DMD: variants seen among roughly 807,000 people sequenced by gnomAD.
DMD encodes the protein mutant dystrophin.
Under a neutral mutation model 330.1 loss-of-function variants are expected in DMD, and 63 were observed. The ratio of observed to expected loss-of-function variants is 0.19; its 90% confidence interval spans 0.16 to 0.24. The LOEUF (loss-of-function observed/expected upper bound fraction) is 0.24. Among genes scored for constraint, DMD ranks in the 10% least tolerant of loss-of-function variants. The probability of loss-of-function intolerance (pLI) is 1.00; values close to 1 mark genes in which losing one functional copy is unlikely to be tolerated. For synonymous variants in DMD, 1,223 were observed against 959.8 expected, an observed-to-expected ratio of 1.27 and a Z score of -5.07; for missense variants, 3,344 against 2,684.1, an observed-to-expected ratio of 1.25 and a Z score of -5.43.
At chrX:31,316,496 G>T (rs1220739963) in intron 62 of DMD, among the ~76,000 whole-genome samples, 3 of 111,152 alleles carry the variant, frequency 2.7e-5, no homozygotes, top group African/African-American at 9.8e-5. Context: ...AGGATGTGAG[G>T]GTTTTTTTCA....
chrX:31,816,592 A>G (rs1160696022), intron 50 of DMD, among the ~76,000 whole-genome samples: 1 of 109,940 alleles, frequency 9.1e-6, no homozygotes, highest in Non-Finnish European at 1.9e-5. Flanking sequence ...TGAGGTCAGG[A>G]GTTTAAGACC....
intron 29 of DMD, among the ~76,000 whole-genome samples, chrX:32,422,149 G>A (rs1400825912): frequency 4.5e-5 from 5 of 111,363 alleles, no homozygotes; most frequent in Non-Finnish European, 5.7e-5. Context: ...GGTTGGGCAA[G>A]AATAAATTAC....
chrX:31,562,033 C>T (rs1427877845), intron 55 of DMD, among the ~76,000 whole-genome samples: 3 of 111,591 alleles, frequency 2.7e-5, no homozygotes, highest in Non-Finnish European at 5.7e-5. Flanking sequence ...TTATGTAATC[C>T]CATAAGATTA....
intron 2 of DMD, among the ~76,000 whole-genome samples, chrX:32,958,166 T>A (rs1167370940): frequency 2.7e-5 from 3 of 111,688 alleles, no homozygotes; most frequent in Non-Finnish European, 3.8e-5. Context: ...TCCTAATTCT[T>A]GATCCAAGTG....
At chrX:33,009,744 A>G (rs1231314309) in intron 2 of DMD, among the ~76,000 whole-genome samples, 3 of 52,690 alleles carry the variant, frequency 5.7e-5, no homozygotes, top group Non-Finnish European at 1.0e-4. Flanking sequence ...ATATACACAC[A>G]TATGTGTATA....
intron 1 of DMD, among the ~76,000 whole-genome samples, chrX:33,232,180 T>G (rs1200128784): frequency 8.9e-6 from 1 of 111,997 alleles, no homozygotes; most frequent in Non-Finnish European, 1.9e-5. Flanking sequence ...AGATCTGCCT[T>G]GCAAGAAATG....
intron 1 of DMD, among the ~76,000 whole-genome samples, chrX:33,181,327 C>A (rs1160491702): frequency 9.6e-6 from 1 of 104,355 alleles, no homozygotes. Flanking sequence ...TCTTGATAAC[C>A]CCAGGCCAGA....
Position 31,622,865 on chromosome X carries a change from T to C in DMD, c.8217+4808A>G, listed in dbSNP as rs868833002. On this transcript the variant is annotated intron_variant, in intron 55 of 78. Coordinates refer to ENST00000357033, the MANE Select transcript of DMD (RefSeq NM_004006.3). ...AAAATTTTATATATATATATATATA[T>C]ATATATATATATACACACACACACA... is the stretch of plus-strand genomic sequence containing the variant. Among the ~76,000 whole-genome samples the C allele has an allele frequency of 8.0e-3, 643 of 80,855 alleles. 4 individuals are homozygous for C. The highest frequency in any genetic ancestry group is 0.022 in the African/African-American group (463 of 21,235). The allele number at this position is 80,855 out of a possible 115,157, so 70.2% of individuals were successfully genotyped here. A position where few individuals can be genotyped will look rare whatever the true frequency, so the allele number is the denominator to read the frequency against.
At chrX:32,061,856 A>G (rs143518903) in intron 44 of DMD, among the ~76,000 whole-genome samples, 3,094 of 111,532 alleles carry the variant, frequency 0.028, 53 homozygotes, top group Non-Finnish European at 0.042. Context: ...AAACATGCTC[A>G]GCCTTCCTAT....
chrX:32,310,908 A>G lies in DMD; in HGVS notation c.5923-632T>C, dbSNP rs770628576. The stretch of plus-strand genomic sequence containing the variant: ...ACTGACTGCGGAATTTATATTTTAA[A>G]AAGAACTCCAGAATGTCCTGATATA... On this transcript the variant is annotated intron_variant, in intron 41 of 78. Coordinates refer to ENST00000357033, the MANE Select transcript of DMD (RefSeq NM_004006.3). 2.7e-5 allele frequency among the ~76,000 whole-genome samples: 3 copies of G among 110,830 alleles called. No homozygotes were observed. In the East Asian group the frequency reaches 8.6e-4, roughly 32 times the overall value.
intron 34 of DMD, among the ~76,000 whole-genome samples, chrX:32,378,013 T>A (rs762848193): frequency 6.3e-5 from 7 of 111,218 alleles, no homozygotes; most frequent in East Asian, 2.8e-4. Context: ...AACATTCTTA[T>A]TGTTTATTAT....
At chrX:32,399,065 A>G (rs2098067192) in intron 30 of DMD, among the ~76,000 whole-genome samples, 2 of 112,035 alleles carry the variant, frequency 1.8e-5, no homozygotes, top group Non-Finnish European at 1.9e-5. Context: ...TCTATCTTGA[A>G]CCGTATACAG....
At chrX:32,355,897 T>C (rs1177318194) in intron 37 of DMD, among the ~76,000 whole-genome samples, 13 of 110,427 alleles carry the variant, frequency 1.2e-4, no homozygotes, top group African/African-American at 3.6e-4. Flanking sequence ...TCTATATACC[T>C]ACAATGTACC....
At chrX:31,898,634 A>T (rs4995396) in intron 47 of DMD, among the ~76,000 whole-genome samples, 5 of 110,857 alleles carry the variant, frequency 4.5e-5, no homozygotes, top group African/African-American at 1.7e-4. Context: ...TGGATTAAAG[A>T]CTTAAACGTT....
chrX:32,888,151 ATTTTT>A (rs1295243529), intron 2 of DMD, among the ~76,000 whole-genome samples: 1 of 109,483 alleles, frequency 9.1e-6, no homozygotes, highest in African/African-American at 3.3e-5. Context: ...TTTATTTTTT[ATTTTT>A]TTTAAGTTCT....
chrX:31,130,960 C>T (rs2034412173), intron 77 of DMD, among the ~76,000 whole-genome samples: 3 of 111,648 alleles, frequency 2.7e-5, no homozygotes, highest in South Asian at 3.7e-4. Context: ...GTAAACCACG[C>T]GGTGGTATTT....
intron 60 of DMD, among the ~76,000 whole-genome samples, chrX:31,365,788 C>G (rs2059198706): frequency 8.9e-6 from 1 of 112,717 alleles, no homozygotes; most frequent in African/African-American, 3.2e-5. Context: ...CACCTCCTGG[C>G]TGGAGAGCAT....
intron 29 of DMD, among the ~76,000 whole-genome samples, chrX:32,437,963 T>C (rs1372798110): frequency 8.9e-6 from 1 of 112,060 alleles, no homozygotes; most frequent in Non-Finnish European, 1.9e-5. Context: ...TACCCACACA[T>C]ACTGGTCTAT....
intron 2 of DMD, among the ~76,000 whole-genome samples, chrX:32,907,221 A>G (rs1442622514): frequency 1.8e-5 from 2 of 112,001 alleles, no homozygotes; most frequent in Admixed American, 9.5e-5. Flanking sequence ...TTATTCATGA[A>G]ACTACTTCAA....
Sources: allele counts gnomAD v4.1 joint callset (sites outside exome capture counted in the v4.1 genomes callset), GRCh38; gene constraint gnomAD v4.1.1; transcripts MANE v1.5; gene names NCBI Gene and HGNC (gene_info 2026-07-23, HGNC 2026-07-21).